TCF4: variants seen among roughly 807,000 people sequenced by gnomAD.
TCF4 encodes SL3-3 enhancer factor 2.
A neutral mutation model predicts 82.1 loss-of-function variants in TCF4; 3 were observed. The observed-to-expected ratio is 0.04, with a 90% CI of 0.02 to 0.09. TCF4 has a LOEUF of 0.09. TCF4 is among the 10% of genes least tolerant of loss of function. The pLI is 1.00. For missense variants in TCF4, 518 were observed against 852.7 expected, an observed-to-expected ratio of 0.61 and a Z score of 4.89; for synonymous variants, 276 against 309.6, an observed-to-expected ratio of 0.89 and a Z score of 1.14.
At chr18:55,252,163 G>A (rs1218077570) in intron 15 of TCF4, among the ~76,000 whole-genome samples, 2 of 152,074 alleles carry the variant, frequency 1.3e-5, no homozygotes, top group African/African-American at 2.4e-5. Flanking sequence ...CACGTTGAAT[G>A]GTTTTCAGGA....
intron 5 of TCF4, among the ~76,000 whole-genome samples, chr18:55,448,344 T>C (rs2095562057): frequency 6.6e-6 from 1 of 152,212 alleles, no homozygotes; most frequent in South Asian, 2.1e-4. Flanking sequence ...ATATATTCTA[T>C]TACAGCCTTA....
At chr18:55,511,988 C>T (rs922037178) in intron 3 of TCF4, among the ~76,000 whole-genome samples, 1 of 152,094 alleles carries the variant, frequency 6.6e-6, no homozygotes, top group Non-Finnish European at 1.5e-5. Flanking sequence ...CCTTATTTTA[C>T]ACATGTAATA....
chr18:55,410,295 C>A (rs548385984), intron 5 of TCF4, among the ~76,000 whole-genome samples: 1 of 152,244 alleles, frequency 6.6e-6, no homozygotes, highest in South Asian at 2.1e-4. Flanking sequence ...GGCTGCATTT[C>A]ATCACTGATT....
At chr18:55,315,221 GC>G (rs1798649429) in intron 8 of TCF4, among the ~76,000 whole-genome samples, 1 of 152,132 alleles carries the variant, frequency 6.6e-6, no homozygotes, top group South Asian at 2.1e-4. Context: ...CCACTCTTTA[GC>G]CCCCCTTTTT....
chr18:55,234,728 T>C (rs1348174096), intron 15 of TCF4, 45 bp from the exon 16 acceptor site: 1 of 1,613,104 alleles, frequency 6.2e-7, no homozygotes, highest in Non-Finnish European at 8.5e-7. Context: ...GAACCGGAGG[T>C]GCGACAGCTA....
intron 6 of TCF4, chr18:55,351,667 A>G (rs1402125778): frequency 4.4e-6 from 1 of 227,228 alleles, no homozygotes; most frequent in Non-Finnish European, 7.3e-6. Context: ...CAGATTAAAC[A>G]TTTACCTGAA....
At chr18:55,241,635 T>C (rs540397807) in intron 15 of TCF4, among the ~76,000 whole-genome samples, 10 of 152,304 alleles carry the variant, frequency 6.6e-5, no homozygotes, top group African/African-American at 2.4e-4. Context: ...AGGTGGCCCA[T>C]CCCTAAGGAT....
intron 5 of TCF4, among the ~76,000 whole-genome samples, chr18:55,430,217 C>T (rs1316683609): frequency 1.3e-5 from 2 of 152,150 alleles, no homozygotes; most frequent in Non-Finnish European, 2.9e-5. Context: ...GATCCCGTTG[C>T]ATTTTCTGGC....
At chr18:55,548,038 T>G (rs916002595) in intron 3 of TCF4, among the ~76,000 whole-genome samples, 50 of 152,314 alleles carry the variant, frequency 3.3e-4, no homozygotes, top group African/African-American at 1.2e-3. Context: ...AAACCCTTAC[T>G]CCGCTCAGTA....
chr18:55,383,387 G>T (rs893831278), intron 6 of TCF4, among the ~76,000 whole-genome samples: 1 of 152,130 alleles, frequency 6.6e-6, no homozygotes, highest in African/African-American at 2.4e-5. Flanking sequence ...TAAATGCAAA[G>T]ATGTATTTTC....
At chr18:55,292,932 A>G (rs1253174864) in intron 8 of TCF4, among the ~76,000 whole-genome samples, 1 of 152,142 alleles carries the variant, frequency 6.6e-6, no homozygotes, top group African/African-American at 2.4e-5. Context: ...GTGTGTGTAT[A>G]TAACATTAAA....
At position 55,577,068 on chromosome 18, in the gene TCF4, AAT is replaced by A. The variant is rs971996245; in HGVS notation, c.145+8210_145+8211del. Among the ~76,000 whole-genome samples the A allele has an allele frequency of 1.4e-4, 20 of 146,088 alleles. No homozygotes were observed. The South Asian group carries it at 2.3e-3, about 17-fold the overall frequency. ...GGAGATATGAGAATAGCAGGTACTA[AAT>A]ATATATATATATTATATATACATTT... On this transcript the variant is annotated intron_variant, in intron 3 of 19. Coordinates refer to ENST00000354452, the MANE Select transcript of TCF4 (RefSeq NM_001083962.2).
intron 5 of TCF4, among the ~76,000 whole-genome samples, chr18:55,427,726 A>T (rs1243831066): frequency 6.6e-6 from 1 of 152,230 alleles, no homozygotes; most frequent in East Asian, 1.9e-4. Context: ...TTTACAGAAA[A>T]GGGAGTATCT....
At chr18:55,628,126 C>CA (rs1431827333) in intron 2 of TCF4, among the ~76,000 whole-genome samples, 3 of 152,196 alleles carry the variant, frequency 2.0e-5, no homozygotes, top group Non-Finnish European at 4.4e-5. Context: ...TAATGAGGAT[C>CA]ATTTCAAGGC....
rs926119059 is a variant in TCF4 at position 55,222,667 on chromosome 18, C to T, written c.*5368G>A. On this transcript the variant is annotated 3_prime_UTR_variant, in exon 20 of 20. Coordinates refer to ENST00000354452, the MANE Select transcript of TCF4 (RefSeq NM_001083962.2). The stretch of plus-strand genomic sequence containing the variant: ...TCTGTTATGAAGCGCTCAGCTACCG[C>T]GGGCTTTCCTTTACATTGCATACAT... 2 of 152,590 alleles carry T rather than the reference C, an allele frequency of 1.3e-5. No homozygotes were observed. Among genetic ancestry groups the T allele is most frequent in the Non-Finnish European group, 2.9e-5 (2 of 68,050 alleles). The allele number at this position is 152,590 out of a possible 1,614,324, so 9.5% of individuals were successfully genotyped here. A position where few individuals can be genotyped will look rare whatever the true frequency, so the allele number is the denominator to read the frequency against.
intron 15 of TCF4, among the ~76,000 whole-genome samples, chr18:55,251,930 G>GTTTTTTTTTT (rs199695068): frequency 9.9e-6 from 1 of 101,272 alleles, no homozygotes; most frequent in Non-Finnish European, 2.0e-5. Context: ...GGGGGATGAG[G>GTTTTTTTTTT]TTTTTTTTTT....
intron 10 of TCF4, among the ~76,000 whole-genome samples, chr18:55,273,756 A>C (rs187798350): frequency 2.0e-4 from 31 of 152,166 alleles, no homozygotes; most frequent in African/African-American, 6.8e-4. Context: ...GATATAGCCT[A>C]CTGGGTTACT....
intron 5 of TCF4, among the ~76,000 whole-genome samples, chr18:55,433,987 T>C (rs1183755252): frequency 6.6e-6 from 1 of 152,136 alleles, no homozygotes; most frequent in Non-Finnish European, 1.5e-5. Flanking sequence ...CACTTGCAAC[T>C]TTTATTCTAA....
intron 4 of TCF4, 108 bp from the exon 5 acceptor site, chr18:55,461,223 A>C: frequency 1.2e-6 from 1 of 865,218 alleles, no homozygotes. Flanking sequence ...ATTGGAGTCC[A>C]CTATTCCCTC....
Sources: allele counts gnomAD v4.1 joint callset (sites outside exome capture counted in the v4.1 genomes callset), GRCh38; gene constraint gnomAD v4.1.1; transcripts MANE v1.5; gene names NCBI Gene and HGNC (gene_info 2026-07-23, HGNC 2026-07-21).